FRMPD2: variants seen among roughly 807,000 people sequenced by gnomAD.
FRMPD2 encodes the protein FERM and PDZ domain containing 2.
A neutral mutation model predicts 140.1 loss-of-function variants in FRMPD2; 96 were observed. The ratio of observed to expected loss-of-function variants is 0.69; its 90% CI spans 0.58 to 0.81. FRMPD2 has a LOEUF of 0.81. Among genes scored for constraint, FRMPD2 ranks in the 40% least tolerant of loss-of-function variants. The pLI, the probability that FRMPD2 is intolerant of heterozygous loss-of-function variation, is 0.00. For synonymous variants in FRMPD2, 449 were observed against 547.6 expected (o/e 0.82, Z 2.52); for missense variants, 1,240 against 1,447.4 (o/e 0.86, Z 2.32).
intron 14 of FRMPD2, among the ~76,000 whole-genome samples, chr10:48,205,019 G>T (rs1471291957): frequency 2.0e-5 from 3 of 152,132 alleles, no homozygotes; most frequent in Non-Finnish European, 4.4e-5. Flanking sequence ...GAAGACTTTT[G>T]GCCTCAGGTA....
rs745417538 is a variant in FRMPD2, at chr10:48,212,018, A to G, written c.1547T>C (p.Val516Ala). The change falls in exon 13 of 29, where the codon GTC becomes GCC. Residue 516 changes from valine to alanine, a missense_variant. Val to Ala is a moderately conservative substitution (Grantham distance 64). This residue lies in a region of FRMPD2 where 1,161 missense variants were observed against 1,055.9 expected (regional missense o/e 1.10). Coordinates refer to ENST00000374201, the MANE Select transcript of FRMPD2 (RefSeq NM_001018071.4). ...RMTALRVQVE[V>A]SEMHRLSSAL... ...AGAGCTGAGCCGGTGCATCTCTGAG[A>G]CTTCAACCTGGACCCGTAGAGCGGT... is the stretch of plus-strand genomic sequence containing the variant. 1.2e-6 allele frequency: 2 copies of G among 1,613,966 alleles called. No individual in the cohort carries two copies. Among genetic ancestry groups the G allele is most frequent in the African/African-American group, 2.7e-5 (2 of 74,920 alleles).
rs190022815 is a variant in FRMPD2, at chr10:48,267,492, G to C, written c.25+7051C>G. ...ACAACAGACATCAAAAGACATTTCT[G>C]TATCAAAGGGCATTATCAAGAAACT... On this transcript the variant is annotated intron_variant, in intron 1 of 28. Coordinates refer to ENST00000374201, the MANE Select transcript of FRMPD2 (RefSeq NM_001018071.4). 4.6e-5 allele frequency among the ~76,000 whole-genome samples: 7 copies of C among 152,262 alleles called. No homozygotes were observed. The East Asian group carries it at 1.4e-3, about 29-fold the overall frequency.
chr10:48,215,320 G>A (rs1020283002), intron 12 of FRMPD2, among the ~76,000 whole-genome samples: 2 of 152,174 alleles, frequency 1.3e-5, no homozygotes, highest in African/African-American at 2.4e-5. Context: ...TGCCCATTCA[G>A]TGACACAGAG....
intron 6 of FRMPD2, 65 bp downstream of exon 6, chr10:48,240,295 A>G: frequency 6.5e-7 from 1 of 1,545,076 alleles, no homozygotes; most frequent in Non-Finnish European, 8.8e-7. Flanking sequence ...TAGCCCATAC[A>G]GGGCAGGAAA....
In FRMPD2 at chr10:48,184,698, A is replaced by G; in HGVS notation, c.2468-16T>C. 2 of 1,596,096 alleles carry G rather than the reference A, an allele frequency of 1.3e-6. No homozygotes were observed. Among genetic ancestry groups the G allele is most frequent in the South Asian group, 2.2e-5 (2 of 90,066 alleles). On this transcript the variant is annotated splice_polypyrimidine_tract_variant and intron_variant, in intron 19 of 28. Coordinates refer to ENST00000374201, the MANE Select transcript of FRMPD2 (RefSeq NM_001018071.4). ...ATCTGCCCTCCTAGAAAAATAAAACATCTCAATAATCCTTCAAGGAAATAA... is the reference window on the plus strand; with the variant it reads ...ATCTGCCCTCCTAGAAAAATAAAACGTCTCAATAATCCTTCAAGGAAATAA...
chr10:48,266,188 G>T (rs1257416708), intron 1 of FRMPD2, among the ~76,000 whole-genome samples: 1 of 152,118 alleles, frequency 6.6e-6, no homozygotes, highest in African/African-American at 2.4e-5. Flanking sequence ...ACACAAAGTG[G>T]GAAACAACAG....
intron 9 of FRMPD2, among the ~76,000 whole-genome samples, chr10:48,235,176 C>T (rs1839939444): frequency 6.6e-6 from 1 of 152,210 alleles, no homozygotes; most frequent in Non-Finnish European, 1.5e-5. Flanking sequence ...GCCCCTCACA[C>T]ACCAGCCTCC....
At chr10:48,269,960 A>T (rs1439870913) in intron 1 of FRMPD2, among the ~76,000 whole-genome samples, 2 of 152,172 alleles carry the variant, frequency 1.3e-5, no homozygotes, top group Non-Finnish European at 2.9e-5. Context: ...GCCCTGAGTC[A>T]GGAAGTTGCT....
At chr10:48,247,410 A>G (rs1162673692) in intron 3 of FRMPD2, among the ~76,000 whole-genome samples, 2 of 152,246 alleles carry the variant, frequency 1.3e-5, no homozygotes, top group African/African-American at 2.4e-5. Flanking sequence ...AGCCCAGGGC[A>G]ATGACAGTGT....
intron 1 of FRMPD2, among the ~76,000 whole-genome samples, chr10:48,255,933 C>T (rs966022271): frequency 2.6e-5 from 4 of 152,172 alleles, no homozygotes; most frequent in African/African-American, 9.7e-5. Context: ...GAGAGGTGGG[C>T]GGGTCCCATC....
intron 1 of FRMPD2, among the ~76,000 whole-genome samples, chr10:48,263,919 A>T (rs1207244238): frequency 1.3e-5 from 2 of 152,168 alleles, no homozygotes; most frequent in Admixed American, 6.5e-5. Flanking sequence ...AATCAAATCC[A>T]ACAATGTATA....
At chr10:48,175,675 G>T (rs1487480616) in intron 23 of FRMPD2, among the ~76,000 whole-genome samples, 171 bp downstream of exon 23, 3 of 151,982 alleles carry the variant, frequency 2.0e-5, no homozygotes, top group African/African-American at 7.3e-5. Flanking sequence ...GGGCAGGGCA[G>T]GTTCTATCAC....
chr10:48,217,283 C>A (rs190056340), intron 12 of FRMPD2, among the ~76,000 whole-genome samples: 12 of 152,302 alleles, frequency 7.9e-5, no homozygotes, highest in Non-Finnish European at 1.8e-4. Context: ...ACCAAACAGA[C>A]AAAAACACCC....
chr10:48,233,698 T>C lies in FRMPD2; in HGVS notation c.994-1409A>G, dbSNP rs57540776. On this transcript the variant is annotated intron_variant, in intron 9 of 28. Coordinates refer to ENST00000374201, the MANE Select transcript of FRMPD2 (RefSeq NM_001018071.4). ...TATACAAAGCTTTGACTTTCAGCAG[T>C]CCTGCCTCCCCTCCTCCTTGGAGGG... Among the ~76,000 whole-genome samples, 336 of 152,234 alleles carry C rather than the reference T, an allele frequency of 2.2e-3. 2 individuals are homozygous for C. The highest frequency in any genetic ancestry group is 7.8e-3 in the African/African-American group (324 of 41,532).
chr10:48,271,492 C>T (rs1840764594), intron 1 of FRMPD2, among the ~76,000 whole-genome samples: 1 of 152,220 alleles, frequency 6.6e-6, no homozygotes, highest in African/African-American at 2.4e-5. Context: ...TCCTGCCTGG[C>T]ACCAGCCCTC....
At chr10:48,199,756 A>C (rs1839038642) in intron 15 of FRMPD2, 1 of 152,220 alleles carries the variant, frequency 6.6e-6, no homozygotes, top group South Asian at 2.1e-4. Context: ...ACCATGGTGT[A>C]TCGTTACACT....
At chr10:48,187,917 T>C (rs1445615766) in intron 16 of FRMPD2, among the ~76,000 whole-genome samples, 1 of 152,210 alleles carries the variant, frequency 6.6e-6, no homozygotes, top group East Asian at 1.9e-4. Context: ...ATATGCCTCA[T>C]GCTAGTAAAT....
chr10:48,212,345 G>A (rs954253065), intron 12 of FRMPD2, among the ~76,000 whole-genome samples: 5 of 152,100 alleles, frequency 3.3e-5, no homozygotes, highest in Non-Finnish European at 7.4e-5. Flanking sequence ...TTTATGCCAG[G>A]TAGTTCACAG....
intron 10 of FRMPD2, among the ~76,000 whole-genome samples, chr10:48,225,046 C>T (rs1397692244): frequency 6.6e-6 from 1 of 152,126 alleles, no homozygotes; most frequent in Non-Finnish European, 1.5e-5. Flanking sequence ...CATACAAGTT[C>T]GTGAGCTTTT....
Sources: gnomAD v4.1 joint callset for allele counts (sites outside exome capture counted in the v4.1 genomes callset) on GRCh38, gnomAD v4.1.1 for gene constraint, gnomAD v4.1.1 regional missense constraint, MANE v1.5 for transcripts, NCBI Gene and HGNC (gene_info 2026-07-23, HGNC 2026-07-21) for gene names.